The following TADA2A variants were observed in gnomAD, a reference collection of about 807,000 sequenced individuals.
TADA2A encodes the protein transcriptional adaptor 2A, also known as transcriptional adapter 2-alpha.
A neutral mutation model predicts 67.4 loss-of-function variants in TADA2A; 38 were observed. The ratio of observed to expected loss-of-function variants is 0.56; its 90% CI spans 0.44 to 0.74. TADA2A has a LOEUF of 0.74. Among genes scored for constraint, TADA2A ranks in the 30% least tolerant of loss-of-function variants. The pLI is 0.00. For synonymous variants in TADA2A, 192 were observed against 181.6 expected, an observed-to-expected ratio of 1.06 and a Z score of -0.46; for missense variants, 454 against 547.0, an observed-to-expected ratio of 0.83 and a Z score of 1.70.
intron 14 of TADA2A, among the ~76,000 whole-genome samples, chr17:37,472,835 C>G (rs901079859): frequency 1.3e-5 from 2 of 152,090 alleles, no homozygotes; most frequent in African/African-American, 4.8e-5. Flanking sequence ...GCACTCCAGC[C>G]TGGGTGACAG....
chr17:37,436,868 G>T (rs548950989), intron 4 of TADA2A, among the ~76,000 whole-genome samples: 2 of 150,794 alleles, frequency 1.3e-5, no homozygotes, highest in African/African-American at 2.5e-5. Flanking sequence ...AAATGGGAGC[G>T]TACTGAAATA....
chr17:37,464,197 C>G (rs554249669), intron 10 of TADA2A, among the ~76,000 whole-genome samples: 5 of 152,304 alleles, frequency 3.3e-5, no homozygotes, highest in African/African-American at 1.2e-4. Context: ...AGTTGCTGCT[C>G]TGGTGTCTCT....
At chr17:37,413,991 CTT>C (rs923063445) in intron 2 of TADA2A, among the ~76,000 whole-genome samples, 5 of 152,192 alleles carry the variant, frequency 3.3e-5, no homozygotes, top group African/African-American at 1.2e-4. Flanking sequence ...CTGTTCCCCT[CTT>C]TGTGTCCATG....
rs767298936 is a variant in TADA2A at position 37,462,152 on chromosome 17, AT to A, written c.712+38del. On this transcript the variant is annotated intron_variant, in intron 10 of 15. Coordinates refer to ENST00000615182, the MANE Select transcript of TADA2A (RefSeq NM_001166105.3). ...TATTAGCAGTTTTCTTTATTTTACAATTTTTTTCCAATATTATTGAATAATT... is the reference window on the plus strand; with the variant it reads ...TATTAGCAGTTTTCTTTATTTTACAATTTTTTCCAATATTATTGAATAATT... 26 of 1,408,966 alleles carry A rather than the reference AT, an allele frequency of 1.8e-5. No individual in the cohort carries two copies. In the African/African-American group the frequency reaches 2.0e-4, roughly 11 times the overall value. The allele number at this position is 1,408,966 out of a possible 1,614,324, so 87.3% of individuals were successfully genotyped here. A position where few individuals can be genotyped will look rare whatever the true frequency, so the allele number is the denominator to read the frequency against.
At chr17:37,437,654 TG>T in intron 4 of TADA2A, 83 bp from the exon 5 acceptor site, 1 of 1,235,018 alleles carries the variant, frequency 8.1e-7, no homozygotes, top group Non-Finnish European at 1.2e-6. Context: ...TCCAAAGTGC[TG>T]GGAGTATAGG....
chr17:37,433,557 G>A (rs757501519), intron 4 of TADA2A, among the ~76,000 whole-genome samples: 1 of 151,998 alleles, frequency 6.6e-6, no homozygotes, highest in East Asian at 1.9e-4. Flanking sequence ...TACTTGTATG[G>A]TGGAGGCAGG....
At chr17:37,417,088 A>G (rs2052073868) in intron 2 of TADA2A, among the ~76,000 whole-genome samples, 1 of 152,020 alleles carries the variant, frequency 6.6e-6, no homozygotes. Flanking sequence ...TGTGAAATGT[A>G]CATACAAAAG....
intron 12 of TADA2A, among the ~76,000 whole-genome samples, chr17:37,468,238 G>A (rs983452456): frequency 1.3e-5 from 2 of 152,142 alleles, no homozygotes; most frequent in Non-Finnish European, 2.9e-5. Context: ...TATATTATTA[G>A]CAGCTAACAT....
chr17:37,438,012 G>A, intron 5 of TADA2A, 183 bp downstream of exon 5: 2 of 600,572 alleles, frequency 3.3e-6, no homozygotes, highest in South Asian at 4.1e-5. Flanking sequence ...GTGTCACGAG[G>A]ATATGGGATG....
intron 8 of TADA2A, chr17:37,454,898 C>A: frequency 4.6e-6 from 1 of 217,252 alleles, no homozygotes. Flanking sequence ...GATGGTGAAG[C>A]CTGTGAAAGT....
intron 15 of TADA2A, 46 bp from the exon 16 acceptor site, chr17:37,476,750 CA>C: frequency 6.4e-7 from 1 of 1,564,266 alleles, no homozygotes; most frequent in Non-Finnish European, 8.7e-7. Flanking sequence ...GATTAAATTA[CA>C]AAAATGACAG....
intron 1 of TADA2A, 120 bp downstream of exon 1, chr17:37,407,069 G>C (rs1291662429): frequency 2.1e-5 from 3 of 146,154 alleles, no homozygotes; most frequent in Admixed American, 2.0e-4. Context: ...CGCGGGCTGC[G>C]GGCCCCGGCG....
chr17:37,472,081 T>G (rs1433112490), intron 14 of TADA2A, among the ~76,000 whole-genome samples: 1 of 151,982 alleles, frequency 6.6e-6, no homozygotes, highest in Non-Finnish European at 1.5e-5. Context: ...CTTTTTTTTT[T>G]TTGAGATGGA....
intron 8 of TADA2A, among the ~76,000 whole-genome samples, chr17:37,445,756 T>C (rs546484868): frequency 6.6e-6 from 1 of 152,120 alleles, no homozygotes; most frequent in Non-Finnish European, 1.5e-5. Flanking sequence ...TAATACCCAA[T>C]ACTTTTTTTT....
intron 4 of TADA2A, 67 bp from the exon 5 acceptor site, chr17:37,437,671 G>T: frequency 1.4e-6 from 2 of 1,435,790 alleles, no homozygotes; most frequent in Non-Finnish European, 2.0e-6. Flanking sequence ...ATAGGCGTGA[G>T]CCACCGTGCC....
chr17:37,451,840 C>T (rs1196831987), intron 8 of TADA2A, among the ~76,000 whole-genome samples: 2 of 151,818 alleles, frequency 1.3e-5, no homozygotes, highest in South Asian at 4.2e-4. Context: ...AAAAATTAGC[C>T]AGACATGGTG....
intron 4 of TADA2A, chr17:37,436,322 G>A (rs546262637): frequency 2.0e-5 from 3 of 152,074 alleles, no homozygotes; most frequent in East Asian, 1.9e-4. Flanking sequence ...TTCTGAGTTC[G>A]TTATATTTTG....
intron 4 of TADA2A, among the ~76,000 whole-genome samples, chr17:37,433,102 T>G (rs1446241464): frequency 1.3e-5 from 2 of 151,900 alleles, no homozygotes; most frequent in Non-Finnish European, 2.9e-5. Context: ...GAATAATTAT[T>G]TTTTAAATTT....
At chr17:37,459,405 C>T (rs1008083761) in intron 9 of TADA2A, among the ~76,000 whole-genome samples, 3 of 151,624 alleles carry the variant, frequency 2.0e-5, no homozygotes, top group Non-Finnish European at 2.9e-5. Flanking sequence ...GCCTCAGCCT[C>T]CCAAGTGGCT....
Sources: allele counts gnomAD v4.1 joint callset (sites outside exome capture counted in the v4.1 genomes callset), GRCh38; gene constraint gnomAD v4.1.1; transcripts MANE v1.5; gene names NCBI Gene and HGNC (gene_info 2026-07-23, HGNC 2026-07-21).